Variants in NRP1 observed in about 807,000 individuals in gnomAD.
NRP1 encodes neuropilin 1.
In NRP1, 35 loss-of-function variants were observed where a neutral mutation model predicts 106.7. That is an observed-to-expected ratio of 0.33 (90% CI 0.25 to 0.43). The LOEUF (loss-of-function observed/expected upper bound fraction) is 0.43. Among genes scored for constraint, NRP1 ranks in the 20% least tolerant of loss-of-function variants. NRP1 has a pLI of 1.00. For missense variants in NRP1, 1,024 were observed against 1,170.4 expected, an observed-to-expected ratio of 0.87 and a Z score of 1.83; for synonymous variants, 437 against 417.9, an observed-to-expected ratio of 1.05 and a Z score of -0.56.
intron 2 of NRP1, among the ~76,000 whole-genome samples, chr10:33,312,215 CT>C (rs1846655772): frequency 6.6e-6 from 1 of 152,108 alleles, no homozygotes. Context: ...TAATAGGGCT[CT>C]TTAGTCTTTA....
At chr10:33,283,486 T>C (rs1588916425) in intron 2 of NRP1, among the ~76,000 whole-genome samples, 1 of 152,210 alleles carries the variant, frequency 6.6e-6, no homozygotes, top group East Asian at 1.9e-4. Context: ...GAATAATTTA[T>C]ATAATGAGAA....
chr10:33,182,829 ACATG>A (rs1316576382), intron 15 of NRP1, 81 bp from the exon 16 acceptor site: 9 of 875,446 alleles, frequency 1.0e-5, no homozygotes, highest in Non-Finnish European at 1.5e-5. Context: ...ACCTTTAGGT[ACATG>A]CACACACACA....
At chr10:33,186,988 G>T (rs1188728574) in intron 13 of NRP1, among the ~76,000 whole-genome samples, 2 of 152,118 alleles carry the variant, frequency 1.3e-5, no homozygotes, top group African/African-American at 4.8e-5. Flanking sequence ...ATTCTGAGTA[G>T]CTATGACTAC....
chr10:33,254,842 A>T (rs1842092915), intron 5 of NRP1, among the ~76,000 whole-genome samples: 1 of 152,238 alleles, frequency 6.6e-6, no homozygotes, highest in South Asian at 2.1e-4. Flanking sequence ...GCATAAAATC[A>T]TAATGCTCAC....
chr10:33,230,915 C>T (rs980189832), intron 6 of NRP1, among the ~76,000 whole-genome samples: 1 of 152,146 alleles, frequency 6.6e-6, no homozygotes, highest in African/African-American at 2.4e-5. Flanking sequence ...AAGTTTTCTC[C>T]TTCCCTTACA....
chr10:33,181,044 CCTGGTAGTTTAA>C (rs1458161947), intron 16 of NRP1, among the ~76,000 whole-genome samples: 1 of 152,154 alleles, frequency 6.6e-6, no homozygotes, highest in Admixed American at 6.5e-5. Context: ...TCTTTGCAGC[CCTGGTAGTTTAA>C]CTGGAGACAG....
chr10:33,202,460 T>C, intron 11 of NRP1: 3 of 708,580 alleles, frequency 4.2e-6, no homozygotes, highest in Non-Finnish European at 6.4e-6. Flanking sequence ...AGCCTAACTT[T>C]ATCCATTTGT....
chr10:33,293,880 C>A (rs1845187260), intron 2 of NRP1, among the ~76,000 whole-genome samples: 1 of 152,220 alleles, frequency 6.6e-6, no homozygotes, highest in Admixed American at 6.5e-5. Context: ...GGATTTCACT[C>A]ATCCATACTC....
intron 2 of NRP1, among the ~76,000 whole-genome samples, chr10:33,272,915 G>C (rs1415338276): frequency 6.6e-6 from 1 of 152,062 alleles, no homozygotes; most frequent in Non-Finnish European, 1.5e-5. Context: ...AAAAACTAAG[G>C]CATTTCTGTT....
At chr10:33,301,616 C>T (rs1845804490) in intron 2 of NRP1, among the ~76,000 whole-genome samples, 1 of 151,988 alleles carries the variant, frequency 6.6e-6, no homozygotes, top group Non-Finnish European at 1.5e-5. Context: ...GACATGGGGC[C>T]AGTGCGCGTG....
intron 2 of NRP1, among the ~76,000 whole-genome samples, chr10:33,300,804 G>A (rs1451849348): frequency 1.3e-5 from 2 of 152,124 alleles, no homozygotes; most frequent in Non-Finnish European, 2.9e-5. Flanking sequence ...TTTACTTCGA[G>A]TTCTCCTGCC....
chr10:33,225,194 G>A (rs1013222753), intron 7 of NRP1, among the ~76,000 whole-genome samples: 3 of 152,120 alleles, frequency 2.0e-5, no homozygotes, highest in African/African-American at 7.2e-5. Flanking sequence ...TGCCCTGTCC[G>A]AGAGTGGGGG....
intron 4 of NRP1, among the ~76,000 whole-genome samples, chr10:33,260,064 T>A (rs911337284): frequency 1.3e-5 from 2 of 152,094 alleles, no homozygotes; most frequent in African/African-American, 4.8e-5. Context: ...CATCTCTCGA[T>A]GTTGCCCAAG....
intron 2 of NRP1, among the ~76,000 whole-genome samples, chr10:33,277,483 C>T (rs1224965204): frequency 6.6e-6 from 1 of 152,042 alleles, no homozygotes; most frequent in Admixed American, 6.5e-5. Flanking sequence ...GCCTGACCAC[C>T]ACCAGCGCTG....
intron 4 of NRP1, among the ~76,000 whole-genome samples, chr10:33,260,303 C>T (rs992698134): frequency 1.3e-5 from 2 of 152,142 alleles, no homozygotes; most frequent in Admixed American, 6.5e-5. Flanking sequence ...ACCAAAAATA[C>T]ATTTTGTAGC....
At chr10:33,215,933 G>A (rs1224528011) in intron 8 of NRP1, among the ~76,000 whole-genome samples, 2 of 152,064 alleles carry the variant, frequency 1.3e-5, no homozygotes, top group South Asian at 2.1e-4. Context: ...CTTACTTCTG[G>A]GAGTTTGGGA....
chr10:33,231,021 A>G (rs541280074), intron 6 of NRP1, among the ~76,000 whole-genome samples: 1 of 152,250 alleles, frequency 6.6e-6, no homozygotes, highest in Admixed American at 6.5e-5. Context: ...TTCCAACTGT[A>G]TCACCCAGCC....
chr10:33,247,674 T>G (rs2133121216), intron 6 of NRP1, among the ~76,000 whole-genome samples: 1 of 152,308 alleles, frequency 6.6e-6, no homozygotes, highest in Admixed American at 6.5e-5. Flanking sequence ...GTGAAAAACA[T>G]AATCAGAGTG....
intron 6 of NRP1, among the ~76,000 whole-genome samples, chr10:33,228,926 T>C (rs1484551911): frequency 6.6e-6 from 1 of 152,228 alleles, no homozygotes; most frequent in Non-Finnish European, 1.5e-5. Flanking sequence ...GTGCCTACAC[T>C]TGTTTACCAA....
Sources: gnomAD v4.1 joint callset for allele counts (sites outside exome capture counted in the v4.1 genomes callset) on GRCh38, gnomAD v4.1.1 for gene constraint, MANE v1.5 for transcripts, NCBI Gene and HGNC (gene_info 2026-07-23, HGNC 2026-07-21) for gene names.